KRABD2: variants seen among roughly 807,000 people sequenced by gnomAD.
KRABD2 encodes the protein KRAB domain containing 2.
At chr17:8,375,773 C>T in the KRABD2 span, 1 of 515,288 alleles carries the variant, frequency 1.9e-6, no homozygotes, top group Non-Finnish European at 2.7e-6. Context: ...TCCAAAGCAA[C>T]ATGAAAGAAA....
the KRABD2 span, chr17:8,369,727 G>A: frequency 8.1e-6 from 13 of 1,614,048 alleles, no homozygotes; most frequent in African/African-American, 2.7e-5. Flanking sequence ...GTTCTTAATG[G>A]CCGTAAAATA....
At chr17:8,358,995 C>G in the KRABD2 span, among the ~76,000 whole-genome samples, 1 of 152,124 alleles carries the variant, frequency 6.6e-6, no homozygotes, top group Non-Finnish European at 1.5e-5. Flanking sequence ...AAAGAATATC[C>G]TGGATCATGC....
the KRABD2 span, chr17:8,371,915 T>C: frequency 1.0e-6 from 1 of 993,334 alleles, no homozygotes; most frequent in African/African-American, 1.7e-5. Flanking sequence ...GAGAACTTGA[T>C]ACTCAGTTGT....
the KRABD2 span, chr17:8,373,806 C>T: frequency 6.2e-6 from 1 of 161,034 alleles, no homozygotes; most frequent in Non-Finnish European, 1.3e-5. Flanking sequence ...ATGTGAGGAT[C>T]GCCTCTGCCC....
the KRABD2 span, chr17:8,376,028 C>A: frequency 8.1e-7 from 1 of 1,231,730 alleles, no homozygotes; most frequent in Non-Finnish European, 1.0e-6. Context: ...ATCTCTCCTT[C>A]ATCTCAACAA....
the KRABD2 span, among the ~76,000 whole-genome samples, chr17:8,358,990 A>G: frequency 6.6e-6 from 1 of 152,208 alleles, no homozygotes; most frequent in South Asian, 2.1e-4. Flanking sequence ...TAATAAAAGA[A>G]TATCCTGGAT....
At chr17:8,369,787 C>G in the KRABD2 span, 5 of 1,614,166 alleles carry the variant, frequency 3.1e-6, no homozygotes, top group East Asian at 4.5e-5. Context: ...TTGAACTCAC[C>G]ATCGGCACTG....
the KRABD2 span, chr17:8,370,372 G>A: frequency 6.4e-7 from 1 of 1,561,138 alleles, no homozygotes; most frequent in Non-Finnish European, 8.6e-7. Flanking sequence ...ATCATGGAGA[G>A]CTGTAAGAAG....
chr17:8,376,458 C>T, the KRABD2 span: 1 of 1,026,000 alleles, frequency 9.7e-7, no homozygotes, highest in Non-Finnish European at 1.2e-6. Flanking sequence ...ACGGGCACGC[C>T]CGCTTATTCC....
the KRABD2 span, among the ~76,000 whole-genome samples, chr17:8,370,820 T>A: frequency 6.6e-6 from 1 of 152,088 alleles, no homozygotes; most frequent in Non-Finnish European, 1.5e-5. Flanking sequence ...AACAGCAAAC[T>A]CTTAAACTGA....
chr17:8,376,093 G>A, the KRABD2 span: 2 of 1,231,662 alleles, frequency 1.6e-6, no homozygotes, highest in African/African-American at 1.6e-5. Context: ...GACCAGTTCA[G>A]ATATATACAA....
the KRABD2 span, chr17:8,369,488 C>A: frequency 1.2e-6 from 2 of 1,614,064 alleles, no homozygotes; most frequent in Admixed American, 3.3e-5. Context: ...TACTCTGCAT[C>A]CAGGTACTTA....
the KRABD2 span, chr17:8,376,670 C>A: frequency 4.1e-6 from 4 of 984,100 alleles, no homozygotes; most frequent in South Asian, 1.4e-4. Context: ...GCGTCTGAAT[C>A]CCCCTCCACC....
the KRABD2 span, chr17:8,360,050 G>A: frequency 5.8e-6 from 2 of 346,526 alleles, no homozygotes; most frequent in South Asian, 4.4e-5. Context: ...CATCTGCTAC[G>A]TACTCACCCT....
At chr17:8,371,478 G>C in the KRABD2 span, 9 of 1,612,586 alleles carry the variant, frequency 5.6e-6, no homozygotes, top group African/African-American at 4.0e-5. Context: ...CTGGGCTAAA[G>C]AGCAGCTTCA....
the KRABD2 span, chr17:8,376,654 G>C: frequency 5.2e-5 from 51 of 985,288 alleles, no homozygotes; most frequent in Non-Finnish European, 5.2e-5. Context: ...GGACACACCA[G>C]ACGCGGCGTC....
the KRABD2 span, chr17:8,375,776 GA>G: frequency 1.8e-6 from 1 of 566,384 alleles, no homozygotes; most frequent in Non-Finnish European, 2.4e-6. Flanking sequence ...AAAGCAACAT[GA>G]AAGAAATGTG....
At chr17:8,369,200 C>G in the KRABD2 span, 3 of 1,614,074 alleles carry the variant, frequency 1.9e-6, no homozygotes, top group Non-Finnish European at 2.5e-6. Flanking sequence ...GAGTGGGATC[C>G]ATGTCATCGT....
At chr17:8,369,930 A>C in the KRABD2 span, 1 of 1,614,222 alleles carries the variant, frequency 6.2e-7, no homozygotes, top group African/African-American at 1.3e-5. Flanking sequence ...ATATAAGACA[A>C]TAACTTCTTT....
Sources: allele counts gnomAD v4.1 joint callset (sites outside exome capture counted in the v4.1 genomes callset), GRCh38; gene constraint gnomAD v4.1.1; transcripts MANE v1.5; gene names NCBI Gene and HGNC (gene_info 2026-07-23, HGNC 2026-07-21).